The following GRIK3 variants were observed in gnomAD, a reference collection of about 807,000 sequenced individuals.
GRIK3 encodes glutamate receptor ionotropic, kainate 3.
In GRIK3, 29 loss-of-function variants were observed where a neutral mutation model predicts 102.5. That is an observed-to-expected ratio of 0.28 (90% CI 0.21 to 0.39). The LOEUF is 0.39. Ranked by LOEUF, GRIK3 falls within the 10% of genes least tolerant of loss-of-function variation. The probability of loss-of-function intolerance (pLI) is 1.00; values close to 1 mark genes in which losing one functional copy is unlikely to be tolerated. For missense variants in GRIK3, 908 were observed against 1,252.4 expected, an observed-to-expected ratio of 0.73 and a Z score of 4.15; for synonymous variants, 511 against 504.9, an observed-to-expected ratio of 1.01 and a Z score of -0.16.
At chr1:36,846,484 C>T (rs1640521197) in intron 9 of GRIK3, among the ~76,000 whole-genome samples, 1 of 152,176 alleles carries the variant, frequency 6.6e-6, no homozygotes, top group Admixed American at 6.5e-5. Flanking sequence ...GGTCTTGGAT[C>T]CAGGCCCTGT....
chr1:36,926,066 G>A (rs1001851765), intron 1 of GRIK3, among the ~76,000 whole-genome samples: 1 of 152,146 alleles, frequency 6.6e-6, no homozygotes, highest in Admixed American at 6.5e-5. Flanking sequence ...GTAGTCATTG[G>A]CCAGTGGTCA....
intron 1 of GRIK3, among the ~76,000 whole-genome samples, chr1:36,968,753 G>A (rs781152399): frequency 5.1e-4 from 78 of 152,350 alleles, no homozygotes; most frequent in Non-Finnish European, 1.0e-3. Context: ...ATTCAGGCTG[G>A]CAACTGGGTA....
chr1:36,958,390 G>T (rs1197316609), intron 1 of GRIK3, among the ~76,000 whole-genome samples: 1 of 93,526 alleles, frequency 1.1e-5, no homozygotes, highest in East Asian at 3.4e-4. Flanking sequence ...TTGAATCTGC[G>T]CCCTGTGAGC....
intron 9 of GRIK3, among the ~76,000 whole-genome samples, chr1:36,847,362 G>C (rs989106057): frequency 6.6e-6 from 1 of 152,216 alleles, no homozygotes; most frequent in African/African-American, 2.4e-5. Context: ...GGCAGAGTGG[G>C]GGACTATGGT....
intron 1 of GRIK3, among the ~76,000 whole-genome samples, chr1:36,978,967 A>G (rs1642221754): frequency 6.6e-6 from 1 of 152,236 alleles, no homozygotes; most frequent in Non-Finnish European, 1.5e-5. Flanking sequence ...AACTGCAGAC[A>G]TTTACCATCA....
intron 1 of GRIK3, among the ~76,000 whole-genome samples, chr1:37,003,976 C>T (rs1181037465): frequency 6.6e-6 from 1 of 152,070 alleles, no homozygotes; most frequent in Non-Finnish European, 1.5e-5. Context: ...TGTTAGGAGC[C>T]CCAAAACGAA....
At chr1:36,909,169 T>C (rs1251813071) in intron 1 of GRIK3, among the ~76,000 whole-genome samples, 8 of 152,218 alleles carry the variant, frequency 5.3e-5, no homozygotes, top group Non-Finnish European at 5.9e-5. Context: ...TAGTACCAGC[T>C]TTCAGGAGCC....
In GRIK3 at chr1:36,841,858, G is replaced by A. The variant is rs1242364630; in HGVS notation, c.1408C>T (p.Leu470=). ...DRFEGYCIDL[L]KELAHILGFS... ...CCAAGGATGTGGGCCAGCTCCTTTA[G>A]CAGGTCGATGCAGTAGCCCTCGAAC... Residue 470 remains leucine (L), a synonymous_variant, in exon 10 of 16, where the codon CTA becomes TTA. Coordinates refer to ENST00000373091, the MANE Select transcript of GRIK3 (RefSeq NM_000831.4). The A allele has an allele frequency of 2.5e-6, 4 of 1,614,018 alleles. No homozygotes were observed. The South Asian group carries it at 4.4e-5, about 18-fold the overall frequency.
At chr1:36,954,105 G>T (rs576211368) in intron 1 of GRIK3, among the ~76,000 whole-genome samples, 1 of 152,200 alleles carries the variant, frequency 6.6e-6, no homozygotes, top group Non-Finnish European at 1.5e-5. Context: ...CATCCTTTCC[G>T]CTGGGGAACC....
chr1:36,891,784 C>G (rs1027490893), intron 1 of GRIK3, among the ~76,000 whole-genome samples: 2 of 152,064 alleles, frequency 1.3e-5, no homozygotes, highest in Non-Finnish European at 2.9e-5. Context: ...GAAAGAAATT[C>G]TTATTTGCAA....
chr1:36,809,495 A>G (rs1250090309), intron 13 of GRIK3, among the ~76,000 whole-genome samples: 2 of 152,012 alleles, frequency 1.3e-5, no homozygotes, highest in Non-Finnish European at 2.9e-5. Flanking sequence ...TCATCCATCC[A>G]ATAAATCTCA....
At position 36,810,577 on chromosome 1, in the gene GRIK3, C is replaced by CTA. The variant is rs371715664; in HGVS notation, c.2092-4253_2092-4252dup. Among the ~76,000 whole-genome samples, 271 of 151,990 alleles carry CTA rather than the reference C, an allele frequency of 1.8e-3. 2 individuals are homozygous for CTA. Among genetic ancestry groups the CTA allele is most frequent in the African/African-American group, 6.0e-3 (248 of 41,468 alleles). On this transcript the variant is annotated intron_variant, in intron 13 of 15. Transcript: ENST00000373091. ...TCTGTACAAGAGAATGTATGTAAGT[C>CTA]TATATATATATAGCAATTCCAAAGG...
chr1:36,870,907 T>C (rs990994003), intron 4 of GRIK3, among the ~76,000 whole-genome samples: 18 of 129,156 alleles, frequency 1.4e-4, no homozygotes, highest in African/African-American at 4.8e-4. Flanking sequence ...CTGTTACACA[T>C]GCTGTCTGGG....
At chr1:37,030,535 A>T (rs112244585) in intron 1 of GRIK3, among the ~76,000 whole-genome samples, 4 of 69,934 alleles carry the variant, frequency 5.7e-5, no homozygotes, top group African/African-American at 1.6e-4. Context: ...CCTTTTCCCC[A>T]CCCCCCACCC....
intron 1 of GRIK3, among the ~76,000 whole-genome samples, chr1:37,017,074 G>A (rs1329439965): frequency 6.6e-6 from 1 of 151,926 alleles, no homozygotes; most frequent in Non-Finnish European, 1.5e-5. Context: ...AATTAGCTGG[G>A]TATGATGGCA....
At chr1:36,814,839 C>T (rs1273664350) in intron 13 of GRIK3, among the ~76,000 whole-genome samples, 2 of 152,104 alleles carry the variant, frequency 1.3e-5, no homozygotes, top group African/African-American at 4.8e-5. Context: ...CAGGTAGACC[C>T]TCGGGTACAC....
At chr1:36,922,449 T>C (rs991408473) in intron 1 of GRIK3, among the ~76,000 whole-genome samples, 1 of 152,178 alleles carries the variant, frequency 6.6e-6, no homozygotes, top group Non-Finnish European at 1.5e-5. Context: ...GAACTCCCCA[T>C]GAGCCAGCAT....
chr1:36,801,780 G>C lies in GRIK3; in HGVS notation c.*71C>G, dbSNP rs1027333100. ...CCCCAAGCCCAGTGCGGGGACAGGGGACGTTCCTTCCAATCTCCTTTGCTT... is the reference window on the plus strand; with the variant it reads ...CCCCAAGCCCAGTGCGGGGACAGGGCACGTTCCTTCCAATCTCCTTTGCTT... On this transcript the variant is annotated 3_prime_UTR_variant, in exon 16 of 16. Coordinates refer to ENST00000373091, the MANE Select transcript of GRIK3 (RefSeq NM_000831.4). 7.5e-7 allele frequency: 1 copy of C among 1,339,310 alleles called. No individual in the cohort carries two copies. Among genetic ancestry groups the C allele is most frequent in the Non-Finnish European group, 1.0e-6 (1 of 983,962 alleles). 83.0% of individuals were successfully genotyped at this position (1,339,310 alleles called of 1,614,324 possible).
chr1:36,896,618 C>G (rs1461821805), intron 1 of GRIK3, among the ~76,000 whole-genome samples: 2 of 151,934 alleles, frequency 1.3e-5, no homozygotes, highest in African/African-American at 4.8e-5. Flanking sequence ...ACAAGGGCAA[C>G]AAATAGAAAA....
Sources: allele counts gnomAD v4.1 joint callset (sites outside exome capture counted in the v4.1 genomes callset), GRCh38; gene constraint gnomAD v4.1.1; transcripts MANE v1.5; gene names NCBI Gene and HGNC (gene_info 2026-07-23, HGNC 2026-07-21).